Variants in RAPGEF3 observed in about 807,000 individuals in gnomAD.
RAPGEF3 encodes 9330170P05Rik.
In RAPGEF3, 103 loss-of-function variants were observed where a neutral mutation model predicts 129.8. The observed-to-expected ratio is 0.79, with a 90% CI of 0.68 to 0.93. The LOEUF is 0.93. Ranked by LOEUF, RAPGEF3 falls within the 40% of genes least tolerant of loss-of-function variation. RAPGEF3 has a pLI of 0.00. For synonymous variants in RAPGEF3, 436 were observed against 482.6 expected, an observed-to-expected ratio of 0.90 and a Z score of 1.26; for missense variants, 1,117 against 1,207.4, an observed-to-expected ratio of 0.93 and a Z score of 1.11.
chr12:47,748,881 C>T lies in RAPGEF3; in HGVS notation c.1092G>A (p.Leu364=), dbSNP rs1042611639. The change falls in exon 11 of 28, where the codon CTG becomes CTA. Residue 364 remains leucine (L), a synonymous_variant. Transcript: ENST00000449771. ...MRLEEHGKVV[L]VLERASQGAG... ...CGCCCTGAGAGGCTCTCTCCAGCACCAGCACCACTTTGCCATGTTCTTCCA... is the reference window on the plus strand; with the variant it reads ...CGCCCTGAGAGGCTCTCTCCAGCACTAGCACCACTTTGCCATGTTCTTCCA... The T allele has an allele frequency of 3.1e-6, 5 of 1,613,968 alleles. No individual in the cohort carries two copies. In the African/African-American group the frequency reaches 6.7e-5, roughly 22 times the overall value.
Position 47,735,365 on chromosome 12 carries a change from G to A in RAPGEF3, c.*2202C>T, listed in dbSNP as rs1240563731. The A allele has an allele frequency of 1.3e-5, 2 of 152,334 alleles. No individual in the cohort carries two copies. Among genetic ancestry groups the A allele is most frequent in the East Asian group, 3.9e-4 (2 of 5,194 alleles). The allele number at this position is 152,334 out of a possible 1,614,324, so 9.4% of individuals were successfully genotyped here. On this transcript the variant is annotated 3_prime_UTR_variant, in exon 28 of 28. Transcript: ENST00000449771. ...CACCACCCCACGCTTGGGCAGTCAGGGAGACAGAAGGCAGCACAAACTCCC... is the reference window on the plus strand; with the variant it reads ...CACCACCCCACGCTTGGGCAGTCAGAGAGACAGAAGGCAGCACAAACTCCC...
intron 7 of RAPGEF3, 117 bp downstream of exon 7, chr12:47,750,224 T>G (rs914204074): frequency 8.1e-7 from 1 of 1,233,736 alleles, no homozygotes; most frequent in Non-Finnish European, 1.2e-6. Flanking sequence ...GACTGAAAAT[T>G]TCCAGCCATA....
rs74088021 is a variant in RAPGEF3 at position 47,736,985 on chromosome 12, C to T, written c.*582G>A. 2,100 of 152,932 alleles carry T rather than the reference C, an allele frequency of 0.014. 52 individuals are homozygous for T. Among genetic ancestry groups the T allele is most frequent in the African/African-American group, 0.048 (1,997 of 41,600 alleles). The allele number at this position is 152,932 out of a possible 1,614,324, so 9.5% of individuals were successfully genotyped here. A position where few individuals can be genotyped will look rare whatever the true frequency, so the allele number is the denominator to read the frequency against. On this transcript the variant is annotated 3_prime_UTR_variant, in exon 28 of 28. Coordinates refer to ENST00000449771, the MANE Select transcript of RAPGEF3 (RefSeq NM_001098531.4). ...GGGCGGGGCCTCAGCCTCCCTGCCA[C>T]GCCCACTCTGGGCTGGCCTGGAACA...
At chr12:47,743,008 C>T (rs1257345439) in intron 18 of RAPGEF3, among the ~76,000 whole-genome samples, 1 of 152,226 alleles carries the variant, frequency 6.6e-6, no homozygotes, top group Admixed American at 6.5e-5. Context: ...AGGAATAGCT[C>T]ATGCCCTTTG....
intron 5 of RAPGEF3, 88 bp from the exon 6 acceptor site, chr12:47,751,304 C>T: frequency 3.8e-6 from 6 of 1,575,256 alleles, no homozygotes; most frequent in Non-Finnish European, 5.2e-6. Flanking sequence ...CCCCTCAGCA[C>T]TCCCCAAGTA....
Position 47,738,096 on chromosome 12 carries a change from G to A in RAPGEF3, c.2582-3C>T, listed in dbSNP as rs1940896692. ...GCTTCTGAGTGGTGAGAGAGGCACT[G>A]CGGGGGTGGGGAGGGGTCATGGAGT... On this transcript the variant is annotated splice_polypyrimidine_tract_variant and splice_region_variant and intron_variant, in intron 26 of 27. Transcript: ENST00000449771. 6.2e-7 allele frequency: 1 copy of A among 1,614,124 alleles called. No homozygotes were observed. The highest frequency in any genetic ancestry group is 1.1e-5 in the South Asian group (1 of 91,076).
At chr12:47,740,617 C>G in intron 21 of RAPGEF3, 25 bp downstream of exon 21, 2 of 1,611,760 alleles carry the variant, frequency 1.2e-6, no homozygotes, top group Non-Finnish European at 1.7e-6. Context: ...TCTGGCCACG[C>G]CCTACCCACT....
chr12:47,739,123 G>A lies in RAPGEF3; in HGVS notation c.2461+20C>T, dbSNP rs1186134450. On this transcript the variant is annotated intron_variant, in intron 24 of 27. Transcript: ENST00000449771. ...GCAGGAAGGGGGGAATGGAGGGATGGAGGCAGGAAGCCCTGTTACCTTTGA... is the reference window on the plus strand; with the variant it reads ...GCAGGAAGGGGGGAATGGAGGGATGAAGGCAGGAAGCCCTGTTACCTTTGA... The A allele has an allele frequency of 1.3e-6, 2 of 1,553,386 alleles. No homozygotes were observed. Among genetic ancestry groups the A allele is most frequent in the Non-Finnish European group, 1.8e-6 (2 of 1,132,654 alleles).
At chr12:47,750,170 G>A (rs1281712482) in intron 7 of RAPGEF3, among the ~76,000 whole-genome samples, 171 bp downstream of exon 7, 2 of 152,358 alleles carry the variant, frequency 1.3e-5, no homozygotes, top group East Asian at 3.9e-4. Flanking sequence ...GCTGAGAGAG[G>A]CGGAAGGATT....
In RAPGEF3 at chr12:47,747,855, C is replaced by T; in HGVS notation, c.1330G>A (p.Val444Met). The part of the protein sequence containing the change: ...LCAALLHHFH[V>M]EPAGGSEQER... ...TGCTCGCTGCCACCCGCAGGCTCCA[C>T]ATGGAAGGTGGGCACCAGTCAAGGG... The change falls in exon 14 of 28, where the codon GTG becomes ATG. Residue 444 changes from valine (V) to methionine (M), a missense_variant. Around this residue, in one of 3 missense-constraint regions of RAPGEF3, gnomAD observed 643 missense variants for 673.4 expected, o/e 0.95. Transcript: ENST00000449771. The T allele has an allele frequency of 6.2e-7, 1 of 1,603,202 alleles. No homozygotes were observed. Among genetic ancestry groups the T allele is most frequent in the Non-Finnish European group, 8.5e-7 (1 of 1,179,764 alleles).
chr12:47,742,662 C>T (rs563600840), intron 18 of RAPGEF3, among the ~76,000 whole-genome samples: 1 of 152,290 alleles, frequency 6.6e-6, no homozygotes, highest in Non-Finnish European at 1.5e-5. Context: ...GTGCTAAGTG[C>T]TTTACACACA....
chr12:47,737,995 G>C (rs371411269), intron 27 of RAPGEF3, 27 bp downstream of exon 27: 6 of 1,464,090 alleles, frequency 4.1e-6, no homozygotes, highest in South Asian at 1.1e-5. Flanking sequence ...CCCCCTCCCT[G>C]CCCACCCACC....
rs373278702 is a variant in RAPGEF3, at chr12:47,740,191, G to A, written c.2323C>T (p.Arg775Trp). 1.1e-5 allele frequency: 18 copies of A among 1,613,670 alleles called. No homozygotes were observed. The highest frequency in any genetic ancestry group is 2.2e-5 in the East Asian group (1 of 44,882). Residue 775 changes from arginine to tryptophan, a missense_variant and splice_region_variant, in exon 23 of 28, where the codon CGG becomes TGG. Physicochemically the swap from Arg to Trp is moderately radical, Grantham distance 101 (BLOSUM62 -3). This residue lies in a region of RAPGEF3 where 643 missense variants were observed against 673.4 expected (regional missense o/e 0.95). Transcript: ENST00000449771. ...AGCTTCCGGACTTTGTGAGGCAGCC[G>A]CTGTGAAAAGGAGGCAGATGAGCGG... is the stretch of plus-strand genomic sequence containing the variant. ...AISRLAHTWE[R>W]LPHKVRKLYS...
chr12:47,746,667 C>T, intron 16 of RAPGEF3, 193 bp downstream of exon 16: 1 of 745,058 alleles, frequency 1.3e-6, no homozygotes, highest in Admixed American at 2.1e-5. Flanking sequence ...CCTTAGGCCT[C>T]TGCGCCTCCT....
intron 23 of RAPGEF3, chr12:47,739,758 G>A (rs1480752489): frequency 1.3e-5 from 5 of 381,548 alleles, no homozygotes; most frequent in African/African-American, 4.1e-5. Context: ...TTCCTGAGGG[G>A]CAGACAGGCC....
At chr12:47,752,537 C>G (rs1941814961) in intron 2 of RAPGEF3, 1 of 158,102 alleles carries the variant, frequency 6.3e-6, no homozygotes, top group East Asian at 1.8e-4. Context: ...ATTAAAATCT[C>G]TGCTTCCCCA....
Position 47,751,196 on chromosome 12 carries a change from G to A in RAPGEF3, c.523C>T (p.Gln175Ter), listed in dbSNP as rs1189340741. ...CGGTAGAATTGGGCATCTCGGTCCT[G>A]GAAGGCCCAGTCGTGTTTCACTGGG... ...LCHVKHDWAF[Q>*]DRDAQFYRFP... is the part of the protein sequence containing the mutation. The change falls in exon 6 of 28, where the codon CAG becomes TAG. Residue 175 changes from glutamine to a stop codon, truncating the protein, a stop_gained. Coordinates refer to ENST00000449771, the MANE Select transcript of RAPGEF3 (RefSeq NM_001098531.4). LOFTEE classifies it high-confidence loss of function. 1.3e-6 allele frequency: 2 copies of A among 1,552,312 alleles called. No individual in the cohort carries two copies. The highest frequency in any genetic ancestry group is 1.2e-5 in the South Asian group (1 of 84,212).
intron 20 of RAPGEF3, 31 bp downstream of exon 20, chr12:47,740,884 T>A: frequency 6.2e-7 from 1 of 1,613,808 alleles, no homozygotes; most frequent in Non-Finnish European, 8.5e-7. Context: ...CCCCGCCGCC[T>A]GCTCTCCTCC....
intron 27 of RAPGEF3, 57 bp downstream of exon 27, chr12:47,737,965 A>C: frequency 3.2e-6 from 5 of 1,547,998 alleles, no homozygotes; most frequent in Non-Finnish European, 3.6e-6. Context: ...TGTGCCAGCC[A>C]TGGGTAACTA....
Sources: gnomAD v4.1 joint callset for allele counts (sites outside exome capture counted in the v4.1 genomes callset) on GRCh38, gnomAD v4.1.1 for gene constraint, gnomAD v4.1.1 regional missense constraint, MANE v1.5 for transcripts, NCBI Gene and HGNC (gene_info 2026-07-23, HGNC 2026-07-21) for gene names.